TRRAP: variants seen among roughly 807,000 people sequenced by gnomAD.
TRRAP encodes transformation/transcription domain-associated protein.
A neutral mutation model predicts 438.8 loss-of-function variants in TRRAP; 41 were observed. The ratio of observed to expected loss-of-function variants is 0.09; its 90% CI spans 0.07 to 0.12. The LOEUF is 0.12. Ranked by LOEUF, TRRAP falls within the 10% of genes least tolerant of loss-of-function variation. TRRAP has a pLI of 1.00. For synonymous variants in TRRAP, 1,994 were observed against 1,962.9 expected (o/e 1.02, Z -0.42); for missense variants, 3,122 against 5,055.1 (o/e 0.62, Z 11.60).
intron 11 of TRRAP, among the ~76,000 whole-genome samples, 166 bp downstream of exon 11, chr7:98,900,886 A>G (rs900264774): frequency 6.6e-6 from 1 of 152,178 alleles, no homozygotes; most frequent in African/African-American, 2.4e-5. Flanking sequence ...ATTGTTATAT[A>G]TTTGTTGTCA....
intron 13 of TRRAP, among the ~76,000 whole-genome samples, chr7:98,907,080 T>C (rs1796804650): frequency 6.6e-6 from 1 of 151,778 alleles, no homozygotes; most frequent in Non-Finnish European, 1.5e-5. Context: ...TCCCAGCACT[T>C]TGGGAGGCCG....
chr7:99,008,760 G>A (rs546853203), intron 70 of TRRAP, among the ~76,000 whole-genome samples, 199 bp downstream of exon 70: 1 of 152,340 alleles, frequency 6.6e-6, no homozygotes, highest in Non-Finnish European at 1.5e-5. Context: ...ACTTGTCGTG[G>A]ACGGTTTGTT....
chr7:98,935,755 TTTG>T (rs1289768105), intron 28 of TRRAP, 80 bp downstream of exon 28: 11 of 1,110,546 alleles, frequency 9.9e-6, no homozygotes, highest in African/African-American at 1.6e-5. Flanking sequence ...AAAGTGGCCT[TTTG>T]TTGTTGTCTA....
At chr7:98,909,920 C>G (rs898475907) in intron 14 of TRRAP, 136 bp from the exon 15 acceptor site, 17 of 1,429,772 alleles carry the variant, frequency 1.2e-5, no homozygotes, top group Non-Finnish European at 1.5e-5. Context: ...ATTCCTTTGA[C>G]ACCAACCTCA....
rs548927261 is a variant in TRRAP, at chr7:99,012,691, C to T, written c.*336C>T. ...TGTCCTCCCTCTGTGAATGTACAGG[C>T]GGAACTGTACGAACAGCTCCCTTCC... On this transcript the variant is annotated 3_prime_UTR_variant, in exon 73 of 73. Coordinates refer to ENST00000456197, the MANE Select transcript of TRRAP (RefSeq NM_001375524.1). The surrounding 1 kb of genome is among the most constrained non-coding windows in gnomAD (Gnocchi z 5.9). 23 of 329,972 alleles carry T rather than the reference C, an allele frequency of 7.0e-5. No homozygotes were observed. The highest frequency in any genetic ancestry group is 4.8e-4 in the South Asian group (11 of 22,890). 20.4% of individuals were successfully genotyped at this position (329,972 alleles called of 1,614,324 possible). A position where few individuals can be genotyped will look rare whatever the true frequency, so the allele number is the denominator to read the frequency against.
At chr7:98,995,574 G>T (rs73711465) in intron 67 of TRRAP, among the ~76,000 whole-genome samples, 14,002 of 151,906 alleles carry the variant, frequency 0.092, 721 homozygotes, top group East Asian at 0.24. Flanking sequence ...ATGTTGTGAT[G>T]TGAGGAAAGG....
chr7:99,004,973 C>T (rs78429977), intron 68 of TRRAP, among the ~76,000 whole-genome samples, 158 bp from the exon 69 acceptor site: 261 of 152,274 alleles, frequency 1.7e-3, no homozygotes, highest in African/African-American at 5.2e-3. Context: ...TCATTTACAC[C>T]GCATCAGGGT....
intron 67 of TRRAP, among the ~76,000 whole-genome samples, chr7:99,001,188 T>C (rs1793904096): frequency 6.6e-6 from 1 of 152,240 alleles, no homozygotes; most frequent in Admixed American, 6.5e-5. Context: ...CTGCAGTTGC[T>C]CCAGGCAGTC....
chr7:98,990,499 A>G lies in TRRAP; in HGVS notation c.9636A>G (p.Ala3212=). ...TTGATGATGACAAAAACACTTTGGC[A>G]GATGCCGTCGACAAGTACTGCATTG... ...LSFDDDKNTL[A]DAVDKYCIGV... is the part of the protein sequence containing the mutation. The change falls in exon 64 of 73, where the codon GCA becomes GCG. Residue 3212 remains alanine, a synonymous_variant. Coordinates refer to ENST00000456197, the MANE Select transcript of TRRAP (RefSeq NM_001375524.1). 6.2e-7 allele frequency: 1 copy of G among 1,614,042 alleles called. No homozygotes were observed. Among genetic ancestry groups the G allele is most frequent in the African/African-American group, 1.3e-5 (1 of 75,056 alleles).
At chr7:98,980,271 CAT>C (rs920356587) in intron 58 of TRRAP, among the ~76,000 whole-genome samples, 16 of 152,172 alleles carry the variant, frequency 1.1e-4, no homozygotes, top group East Asian at 3.8e-4. Flanking sequence ...TCATGGCACT[CAT>C]GTGTGTCCCT....
At chr7:98,915,184 A>G (rs1789465319) in intron 18 of TRRAP, among the ~76,000 whole-genome samples, 1 of 152,062 alleles carries the variant, frequency 6.6e-6, no homozygotes, top group Non-Finnish European at 1.5e-5. Flanking sequence ...GTACAATTTC[A>G]GTTCCTGTAG....
intron 69 of TRRAP, among the ~76,000 whole-genome samples, chr7:99,006,849 C>T (rs571306501): frequency 6.6e-6 from 1 of 152,324 alleles, no homozygotes; most frequent in African/African-American, 2.4e-5. Flanking sequence ...ACAAACAACC[C>T]TATGGGGTAG....
chr7:99,004,202 G>A lies in TRRAP; in HGVS notation c.10322G>A (p.Ser3441Asn). 1 of 1,608,816 alleles carries A rather than the reference G, an allele frequency of 6.2e-7. No individual in the cohort carries two copies. Among genetic ancestry groups the A allele is most frequent in the Non-Finnish European group, 8.5e-7 (1 of 1,178,752 alleles). Residue 3441 changes from serine to asparagine, a missense_variant, in exon 68 of 73, where the codon AGC (serine) becomes AAC (asparagine). Physicochemically the swap from Ser to Asn is conservative, Grantham distance 46 (BLOSUM62 1). Coordinates refer to ENST00000456197, the MANE Select transcript of TRRAP (RefSeq NM_001375524.1). ...TTTTATTTTTAAGATTTTGACTTCA[G>A]CGTTCCAGGATCCATGAAGCTTCAT... ...KGQFTTDFDF[S>N]VPGSMKLHNL...
intron 13 of TRRAP, among the ~76,000 whole-genome samples, chr7:98,907,077 A>C (rs1452821871): frequency 2.0e-5 from 3 of 151,810 alleles, no homozygotes; most frequent in African/African-American, 7.3e-5. Context: ...TAATCCCAGC[A>C]CTTTGGGAGG....
In TRRAP at chr7:98,930,758, C is replaced by A. The variant is rs782814332; in HGVS notation, c.3519C>A (p.Leu1173=). 6.2e-7 allele frequency: 1 copy of A among 1,614,206 alleles called. No homozygotes were observed. The highest frequency in any genetic ancestry group is 2.2e-5 in the East Asian group (1 of 44,880). Residue 1173 remains leucine, a synonymous_variant, in exon 25 of 73, where the codon CTC becomes CTA. Coordinates refer to ENST00000456197, the MANE Select transcript of TRRAP (RefSeq NM_001375524.1). ...AGTTTCTCATGGAGCGGCTGCCTCT[C>A]ACTTGGGTTCTCCAGAACCAGCAGA... The part of the protein sequence containing the change: ...SIKFLMERLP[L]TWVLQNQQTF...
chr7:98,963,540 G>A (rs1792014370), intron 47 of TRRAP, among the ~76,000 whole-genome samples: 3 of 152,132 alleles, frequency 2.0e-5, no homozygotes, highest in African/African-American at 4.8e-5. Context: ...CCACACCGTC[G>A]TCCCCATGCC....
chr7:98,948,593 A>G lies in TRRAP; in HGVS notation c.4696A>G (p.Ile1566Val). 1 of 1,614,154 alleles carries G rather than the reference A, an allele frequency of 6.2e-7. No homozygotes were observed. Among genetic ancestry groups the G allele is most frequent in the South Asian group, 1.1e-5 (1 of 91,074 alleles). Reference sequence around the variant, plus strand: ...GGGGAGTCCATTCCGAGAGCCCCTGATCAAGTTCCTGACTCGACATCCCTC... The same window carrying G: ...GGGGAGTCCATTCCGAGAGCCCCTGGTCAAGTTCCTGACTCGACATCCCTC... ...EAGSPFREPL[I>V]KFLTRHPSQT... Residue 1566 changes from isoleucine (I) to valine (V), a missense_variant, in exon 35 of 73, where the codon ATC (isoleucine) becomes GTC (valine). Ile to Val is a conservative substitution (Grantham distance 29, BLOSUM62 3). Coordinates refer to ENST00000456197, the MANE Select transcript of TRRAP (RefSeq NM_001375524.1). The surrounding 1 kb of genome is among the most constrained non-coding windows in gnomAD (Gnocchi z 4.9).
Position 98,948,715 on chromosome 7 carries a change from G to A in TRRAP, c.4788+30G>A, listed in dbSNP as rs1554417456. 6.8e-6 allele frequency: 11 copies of A among 1,613,846 alleles called. No homozygotes were observed. The highest frequency in any genetic ancestry group is 9.3e-6 in the Non-Finnish European group (11 of 1,180,032). ...GAGCTGTGAGCAGCTGGAGTCAGGG[G>A]TCCCTTCAAATGCTTGTGAGCTGTC... On this transcript the variant is annotated intron_variant, in intron 35 of 72. Transcript: ENST00000456197. The surrounding 1 kb of genome is among the most constrained non-coding windows in gnomAD (Gnocchi z 4.9).
rs930731767 is a variant in TRRAP, at chr7:98,965,977, T to G, written c.7176+82T>G. 3 of 1,502,448 alleles carry G rather than the reference T, an allele frequency of 2.0e-6. No individual in the cohort carries two copies. The East Asian group carries it at 7.2e-5, about 36-fold the overall frequency. 93.1% of individuals were successfully genotyped at this position (1,502,448 alleles called of 1,614,324 possible). A position where few individuals can be genotyped will look rare whatever the true frequency, so the allele number is the denominator to read the frequency against. On this transcript the variant is annotated intron_variant, in intron 49 of 72. Transcript: ENST00000456197. ...TCAACATCTTGGTCTTTCTGAAACT[T>G]GAAGCAAAACATTTTTTTCTGCTGT...
Sources: allele counts gnomAD v4.1 joint callset (sites outside exome capture counted in the v4.1 genomes callset), GRCh38; gene constraint gnomAD v4.1.1; non-coding constraint Gnocchi (gnomAD v3.1); transcripts MANE v1.5; gene names NCBI Gene and HGNC (gene_info 2026-07-23, HGNC 2026-07-21).